The following HTT variants were observed in gnomAD, a reference collection of about 807,000 sequenced individuals.
The protein encoded by HTT is huntingtin, also known as huntington disease protein.
In HTT, 104 loss-of-function variants were observed where a neutral mutation model predicts 362.3. The ratio of observed to expected loss-of-function variants is 0.29; its 90% CI spans 0.24 to 0.34. HTT has a LOEUF of 0.34. Among genes scored for constraint, HTT ranks in the 10% least tolerant of loss-of-function variants. HTT has a pLI of 1.00. For missense variants in HTT, 3,301 were observed against 3,928.6 expected, an observed-to-expected ratio of 0.84 and a Z score of 4.27; for synonymous variants, 1,577 against 1,548.7, an observed-to-expected ratio of 1.02 and a Z score of -0.43.
At chr4:3,211,810 C>A in intron 47 of HTT, 119 bp from the exon 48 acceptor site, 1 of 691,756 alleles carries the variant, frequency 1.4e-6, no homozygotes. Flanking sequence ...GATGGTATAC[C>A]AATTTGTATT....
At chr4:3,141,792 A>AT (rs1255268412) in intron 22 of HTT, among the ~76,000 whole-genome samples, 2 of 152,166 alleles carry the variant, frequency 1.3e-5, no homozygotes, top group Non-Finnish European at 2.9e-5. Flanking sequence ...AACAAAAAAA[A>AT]CATGGAGACA....
intron 40 of HTT, among the ~76,000 whole-genome samples, chr4:3,192,744 T>A (rs1460476140): frequency 1.3e-5 from 2 of 152,214 alleles, no homozygotes; most frequent in Non-Finnish European, 2.9e-5. Flanking sequence ...GGGAGCAGGG[T>A]GCTTTTGTGA....
At chr4:3,217,128 T>C (rs1378695312) in intron 51 of HTT, among the ~76,000 whole-genome samples, 2 of 152,198 alleles carry the variant, frequency 1.3e-5, no homozygotes, top group African/African-American at 4.8e-5. Flanking sequence ...GCCCAAACTG[T>C]AGAATCTCGT....
intron 41 of HTT, chr4:3,202,941 G>A (rs1230979877): frequency 6.6e-6 from 1 of 152,272 alleles, no homozygotes; most frequent in Non-Finnish European, 1.5e-5. Context: ...GGAGTTAGAG[G>A]TTACAGTGAG....
At position 3,134,391 on chromosome 4, in the gene HTT, T is replaced by G; in HGVS notation, c.2494-10T>G. 1 of 1,611,876 alleles carries G rather than the reference T, an allele frequency of 6.2e-7. No individual in the cohort carries two copies. Among genetic ancestry groups the G allele is most frequent in the Non-Finnish European group, 8.5e-7 (1 of 1,179,052 alleles). Reference sequence around the variant, plus strand: ...CCTGCTGTCCTCTTGCCTTGGACCTTGTGTTCCAGAACTGTGTCATGAGTC... The same window carrying G: ...CCTGCTGTCCTCTTGCCTTGGACCTGGTGTTCCAGAACTGTGTCATGAGTC... On this transcript the variant is annotated splice_polypyrimidine_tract_variant and intron_variant, in intron 18 of 66. Coordinates refer to ENST00000355072, the MANE Select transcript of HTT (RefSeq NM_001388492.1).
Position 3,145,289 on chromosome 4 carries a change from T to G in HTT, c.3143+61T>G, listed in dbSNP as rs1054990158. The G allele has an allele frequency of 7.1e-6, 8 of 1,132,094 alleles. No individual in the cohort carries two copies. In the African/African-American group the frequency reaches 1.2e-4, roughly 18 times the overall value. The allele number at this position is 1,132,094 out of a possible 1,614,324, so 70.1% of individuals were successfully genotyped here. ...TACAACAGTATGACATAAACATAGT[T>G]ATTAGGATGCCCTTTTTCTTTCTTT... On this transcript the variant is annotated intron_variant, in intron 24 of 66. Coordinates refer to ENST00000355072, the MANE Select transcript of HTT (RefSeq NM_001388492.1).
intron 29 of HTT, among the ~76,000 whole-genome samples, chr4:3,166,728 C>T (rs974016475): frequency 6.6e-6 from 1 of 152,268 alleles, no homozygotes; most frequent in Non-Finnish European, 1.5e-5. Context: ...GCCCCATGGG[C>T]GTGGGACCCG....
intron 41 of HTT, among the ~76,000 whole-genome samples, chr4:3,203,347 G>C (rs1719678785): frequency 6.6e-6 from 1 of 152,244 alleles, no homozygotes. Context: ...CAATGGGAAG[G>C]ACGTCGCTCG....
Position 3,168,371 on chromosome 4 carries a change from C to T in HTT, c.3865-3949C>T, listed in dbSNP as rs138030318. 4.3e-4 allele frequency among the ~76,000 whole-genome samples: 66 copies of T among 152,242 alleles called. 3 individuals carry two copies. In the East Asian group the frequency reaches 8.7e-3, roughly 20 times the overall value. On this transcript the variant is annotated intron_variant, in intron 29 of 66. Transcript: ENST00000355072. ...TGGAGAGGTGAGCTTGATGTGGCGACGGGTATGAGCAGGTTTTCTTCAGAC... is the reference window on the plus strand; with the variant it reads ...TGGAGAGGTGAGCTTGATGTGGCGATGGGTATGAGCAGGTTTTCTTCAGAC...
chr4:3,114,007 A>G (rs1474926315), intron 6 of HTT, among the ~76,000 whole-genome samples: 2 of 152,214 alleles, frequency 1.3e-5, no homozygotes, highest in Non-Finnish European at 2.9e-5. Flanking sequence ...CACAGCCTTT[A>G]GAGCTGAGAG....
intron 18 of HTT, among the ~76,000 whole-genome samples, chr4:3,133,882 G>A (rs140788744): frequency 1.3e-5 from 2 of 152,288 alleles, no homozygotes; most frequent in East Asian, 3.9e-4. Flanking sequence ...GCTCAATCTT[G>A]TGGCTAGCTG....
At chr4:3,238,351 G>T (rs563225942) in intron 64 of HTT, 96 bp from the exon 65 acceptor site, 2 of 873,748 alleles carry the variant, frequency 2.3e-6, no homozygotes, top group South Asian at 2.1e-5. Flanking sequence ...ATTTCACATC[G>T]GCATTTTCCC....
chr4:3,167,083 G>GT (rs1019974151), intron 29 of HTT, among the ~76,000 whole-genome samples: 9 of 152,206 alleles, frequency 5.9e-5, no homozygotes, highest in African/African-American at 2.2e-4. Flanking sequence ...AGCATCCCTT[G>GT]TTTTTTGAGG....
At chr4:3,104,697 G>A (rs1437989888) in intron 4 of HTT, among the ~76,000 whole-genome samples, 1 of 152,108 alleles carries the variant, frequency 6.6e-6, no homozygotes, top group African/African-American at 2.4e-5. Context: ...GTGGATGCTT[G>A]AGACCAGGAG....
intron 64 of HTT, among the ~76,000 whole-genome samples, chr4:3,237,499 G>T (rs1178234258): frequency 1.3e-5 from 2 of 152,208 alleles, no homozygotes; most frequent in African/African-American, 4.8e-5. Flanking sequence ...CAAGGGGCTT[G>T]TGGTCTAGTG....
chr4:3,098,033 T>C (rs1713951660), intron 2 of HTT, among the ~76,000 whole-genome samples: 1 of 152,254 alleles, frequency 6.6e-6, no homozygotes, highest in Non-Finnish European at 1.5e-5. Context: ...TTGGGTTAAA[T>C]TAAATATTAT....
chr4:3,174,854 A>T, intron 32 of HTT, 55 bp downstream of exon 32: 1 of 1,576,352 alleles, frequency 6.3e-7, no homozygotes. Flanking sequence ...CTAGAGAGGA[A>T]ACTGGAGCTG....
chr4:3,161,002 A>T (rs1181583191), intron 29 of HTT, among the ~76,000 whole-genome samples: 1 of 152,092 alleles, frequency 6.6e-6, no homozygotes, highest in Non-Finnish European at 1.5e-5. Context: ...TACACGTGCC[A>T]TGATGGTTTG....
intron 60 of HTT, among the ~76,000 whole-genome samples, chr4:3,231,108 G>A (rs1431107635): frequency 6.6e-6 from 1 of 152,266 alleles, no homozygotes; most frequent in Non-Finnish European, 1.5e-5. Flanking sequence ...TGGCAGAACT[G>A]TCAGAGCTGG....
Sources: allele counts gnomAD v4.1 joint callset (sites outside exome capture counted in the v4.1 genomes callset), GRCh38; gene constraint gnomAD v4.1.1; transcripts MANE v1.5; gene names NCBI Gene and HGNC (gene_info 2026-07-23, HGNC 2026-07-21).